Variants in DNAH2 observed in about 807,000 individuals in gnomAD.
DNAH2 encodes the protein dynein axonemal heavy chain 2, also known as axonemal beta dynein heavy chain 2.
Under a neutral mutation model 523.5 loss-of-function variants are expected in DNAH2, and 323 were observed. The ratio of observed to expected loss-of-function variants is 0.62; its 90% CI spans 0.56 to 0.68. The LOEUF is 0.68. Among genes scored for constraint, DNAH2 ranks in the 30% least tolerant of loss-of-function variants. The pLI, the probability that DNAH2 is intolerant of heterozygous loss-of-function variation, is 0.00. For synonymous variants in DNAH2, 2,093 were observed against 2,177.4 expected (o/e 0.96, Z 1.08); for missense variants, 4,907 against 5,701.5 (o/e 0.86, Z 4.49).
chr17:7,722,577 C>A (rs1049037557), intron 2 of DNAH2, among the ~76,000 whole-genome samples: 2 of 152,080 alleles, frequency 1.3e-5, no homozygotes, highest in African/African-American at 4.8e-5. Flanking sequence ...CCCGCAGATC[C>A]CAGGAACCGC....
intron 3 of DNAH2, among the ~76,000 whole-genome samples, chr17:7,726,884 C>T (rs758867163): frequency 6.6e-6 from 1 of 152,074 alleles, no homozygotes; most frequent in Non-Finnish European, 1.5e-5. Context: ...GGATAATATC[C>T]CAGTTTTCCT....
At chr17:7,806,817 G>C (rs980558626) in intron 61 of DNAH2, among the ~76,000 whole-genome samples, 8 of 152,030 alleles carry the variant, frequency 5.3e-5, no homozygotes, top group Non-Finnish European at 1.2e-4. Context: ...TCCCATAGTA[G>C]AATACAGCCT....
At chr17:7,826,263 A>G (rs2078015136) in intron 77 of DNAH2, among the ~76,000 whole-genome samples, 1 of 151,774 alleles carries the variant, frequency 6.6e-6, no homozygotes, top group Non-Finnish European at 1.5e-5. Context: ...CAGGTGATCC[A>G]CCCACCTTGG....
rs1195763413 is a variant in DNAH2, at chr17:7,781,150, G to C, written c.6112G>C (p.Val2038Leu). The part of the protein sequence containing the change: ...QDLFPNIELP[V>L]IDYGKLRETV... ...TCTGTTTCCCAACATTGAGCTGCCT[G>C]TCATTGACTATGGCAAGGTATTTGT... Residue 2038 changes from valine to leucine, a missense_variant, in exon 39 of 86, where the codon GTC becomes CTC. Val to Leu is a conservative substitution (Grantham distance 32). Around this residue, in one of 3 missense-constraint regions of DNAH2, gnomAD observed 2,806 missense variants for 3,190.8 expected, o/e 0.88. Coordinates refer to ENST00000572933, the MANE Select transcript of DNAH2 (RefSeq NM_020877.5). The C allele has an allele frequency of 6.2e-7, 1 of 1,614,196 alleles. No homozygotes were observed. Among genetic ancestry groups the C allele is most frequent in the Admixed American group, 1.7e-5 (1 of 60,026 alleles).
chr17:7,754,538 G>T lies in DNAH2; in HGVS notation c.1905-2553G>T. The stretch of plus-strand genomic sequence containing the variant: ...ATGCGCTTTGCCAAGAAGCACAAAA[G>T]AAGGGCCTAAAGAAGATGCACACCA... On this transcript the variant is annotated intron_variant, in intron 12 of 85. Transcript: ENST00000572933. The surrounding 1 kb of genome is among the most constrained non-coding windows in gnomAD (Gnocchi z 4.6). 8.6e-7 allele frequency: 1 copy of T among 1,158,390 alleles called. No individual in the cohort carries two copies. Among genetic ancestry groups the T allele is most frequent in the African/African-American group, 1.5e-5 (1 of 65,824 alleles). 71.8% of individuals were successfully genotyped at this position (1,158,390 alleles called of 1,614,324 possible).
intron 24 of DNAH2, 23 bp from the exon 25 acceptor site, chr17:7,770,229 C>T (rs2076277619): frequency 6.3e-7 from 1 of 1,577,490 alleles, no homozygotes; most frequent in Non-Finnish European, 8.6e-7. Flanking sequence ...CCTGACCTCA[C>T]ACCCTCCTGT....
At chr17:7,738,976 G>A (rs968359063) in intron 8 of DNAH2, 5 of 702,880 alleles carry the variant, frequency 7.1e-6, no homozygotes, top group Non-Finnish European at 1.0e-5. Flanking sequence ...CTTTGCTCAG[G>A]TTGATGCCTT....
chr17:7,730,242 T>C (rs552349483), intron 4 of DNAH2, among the ~76,000 whole-genome samples: 2 of 151,894 alleles, frequency 1.3e-5, no homozygotes, highest in African/African-American at 4.8e-5. Context: ...AACCAGTAGA[T>C]TGGAAATAGC....
Position 7,787,998 on chromosome 17 carries a change from G to A in DNAH2, c.6741+1G>A. The A allele has an allele frequency of 6.2e-7, 1 of 1,614,160 alleles. No individual in the cohort carries two copies. The highest frequency in any genetic ancestry group is 8.5e-7 in the Non-Finnish European group (1 of 1,180,000). ...GTCATGGCTGGAGAAGAGGCCAAAGGTATGAAGGGAACTGAGGAGAGGGAA... is the reference window on the plus strand; with the variant it reads ...GTCATGGCTGGAGAAGAGGCCAAAGATATGAAGGGAACTGAGGAGAGGGAA... On this transcript the variant is annotated splice_donor_variant, in intron 43 of 85. Coordinates refer to ENST00000572933, the MANE Select transcript of DNAH2 (RefSeq NM_020877.5). LOFTEE classifies it high-confidence loss of function.
chr17:7,792,232 G>T lies in DNAH2; in HGVS notation c.7054-20G>T, dbSNP rs2076917644. Reference sequence around the variant, plus strand: ...GGCTCAAGGAAGGCTTTGGTAACCTGACCTACATGCCCTCCTTAGGACACG... The same window carrying T: ...GGCTCAAGGAAGGCTTTGGTAACCTTACCTACATGCCCTCCTTAGGACACG... On this transcript the variant is annotated intron_variant, in intron 45 of 85. Transcript: ENST00000572933. The T allele has an allele frequency of 6.2e-7, 1 of 1,612,250 alleles. No homozygotes were observed. The highest frequency in any genetic ancestry group is 1.7e-5 in the Admixed American group (1 of 59,956).
In DNAH2 at chr17:7,742,951, G is replaced by A; in HGVS notation, c.1713G>A (p.Leu571=). The A allele has an allele frequency of 6.8e-7, 1 of 1,468,286 alleles. No homozygotes were observed. The highest frequency in any genetic ancestry group is 9.0e-7 in the Non-Finnish European group (1 of 1,111,832). 91.0% of individuals were successfully genotyped at this position (1,468,286 alleles called of 1,614,324 possible). The change falls in exon 12 of 86, where the codon CTG becomes CTA. Residue 571 remains leucine (L), a synonymous_variant. Coordinates refer to ENST00000572933, the MANE Select transcript of DNAH2 (RefSeq NM_020877.5). ...AGTGCCTTGCTGGTGCTCATTTCCT[G>A]CCCCGTATTGGGACTGGAAAGGAGA... ...VMTCLAGAHF[L]PRIGTGKESV...
intron 77 of DNAH2, among the ~76,000 whole-genome samples, chr17:7,829,958 A>G (rs1182519916): frequency 6.7e-6 from 1 of 149,280 alleles, no homozygotes; most frequent in East Asian, 2.0e-4. Flanking sequence ...TCCAGGAGGC[A>G]GAGGTTGCAG....
chr17:7,811,537 T>C (rs1037290191), intron 63 of DNAH2, among the ~76,000 whole-genome samples: 1 of 107,132 alleles, frequency 9.3e-6, no homozygotes, highest in Non-Finnish European at 2.3e-5. Context: ...ATAACAGAAA[T>C]TGATATCTTA....
intron 20 of DNAH2, among the ~76,000 whole-genome samples, chr17:7,765,145 G>A (rs1160097200): frequency 6.6e-6 from 1 of 152,128 alleles, no homozygotes; most frequent in African/African-American, 2.4e-5. Flanking sequence ...ACTCTGGTCT[G>A]GAGGATCAGA....
intron 56 of DNAH2, among the ~76,000 whole-genome samples, chr17:7,800,796 G>A (rs2077201090): frequency 6.7e-6 from 1 of 150,246 alleles, no homozygotes; most frequent in Admixed American, 6.6e-5. Flanking sequence ...GAACCTGGGA[G>A]GTGGAGCTTG....
chr17:7,734,093 T>C, intron 5 of DNAH2, 90 bp from the exon 6 acceptor site: 1 of 1,121,230 alleles, frequency 8.9e-7, no homozygotes. Flanking sequence ...ATATGCTTCC[T>C]GGTCCCCTAC....
In DNAH2 at chr17:7,759,610, G is replaced by A; in HGVS notation, c.2637G>A (p.Gln879=). Residue 879 remains glutamine (Q), a splice_region_variant and synonymous_variant, in exon 16 of 86, where the codon CAG becomes CAA. Transcript: ENST00000572933. ...LKNDLQGSVA[Q]VEFSPTLQTL... ...ATGATCTGCAAGGAAGTGTGGCACA[G>A]GTAAGAACCACTTTGCCCCCAACAT... The A allele has an allele frequency of 6.2e-7, 1 of 1,612,634 alleles. No homozygotes were observed. The highest frequency in any genetic ancestry group is 8.5e-7 in the Non-Finnish European group (1 of 1,179,148).
intron 18 of DNAH2, among the ~76,000 whole-genome samples, chr17:7,761,847 T>G (rs1459389967): frequency 6.6e-6 from 1 of 152,046 alleles, no homozygotes; most frequent in African/African-American, 2.4e-5. Flanking sequence ...GGTCATTCAT[T>G]CATTCATTCT....
chr17:7,814,596 G>A (rs539582282), intron 63 of DNAH2, among the ~76,000 whole-genome samples: 20 of 152,360 alleles, frequency 1.3e-4, no homozygotes, highest in East Asian at 1.9e-4. Flanking sequence ...TGCCATGGTT[G>A]GGCGTGGTGG....
Sources: allele counts gnomAD v4.1 joint callset (sites outside exome capture counted in the v4.1 genomes callset), GRCh38; gene constraint gnomAD v4.1.1; regional missense constraint gnomAD v4.1.1; non-coding constraint Gnocchi (gnomAD v3.1); transcripts MANE v1.5; gene names NCBI Gene and HGNC (gene_info 2026-07-23, HGNC 2026-07-21).